Variants in SDCCAG8 observed in about 807,000 individuals in gnomAD.
The protein encoded by SDCCAG8 is SHH signaling and ciliogenesis regulator SDCCAG8.
In SDCCAG8, 74 loss-of-function variants were observed where a neutral mutation model predicts 101.8. That is an observed-to-expected ratio of 0.73 (90% CI 0.60 to 0.88). The LOEUF (loss-of-function observed/expected upper bound fraction) is 0.88, where lower values mean the gene tolerates loss of function less well. Among genes scored for constraint, SDCCAG8 ranks in the 40% least tolerant of loss-of-function variants. The probability of loss-of-function intolerance (pLI) is 0.00; values close to 1 mark genes in which losing one functional copy is unlikely to be tolerated. For synonymous variants in SDCCAG8, 281 were observed against 292.9 expected (o/e 0.96, Z 0.41); for missense variants, 787 against 822.6 (o/e 0.96, Z 0.53).
At chr1:243,301,924 C>G (rs2071550402) in intron 6 of SDCCAG8, among the ~76,000 whole-genome samples, 1 of 152,092 alleles carries the variant, frequency 6.6e-6, no homozygotes, top group African/African-American at 2.4e-5. Context: ...CAAGAGGCAG[C>G]AGACAAGTTC....
At chr1:243,495,318 G>C (rs1445680656) in intron 17 of SDCCAG8, among the ~76,000 whole-genome samples, 1 of 152,220 alleles carries the variant, frequency 6.6e-6, no homozygotes, top group African/African-American at 2.4e-5. Context: ...TGTCTGCAAG[G>C]CGGCCTTCTC....
chr1:243,494,736 T>G (rs1405643254), intron 17 of SDCCAG8, among the ~76,000 whole-genome samples: 4 of 152,234 alleles, frequency 2.6e-5, no homozygotes, highest in Non-Finnish European at 4.4e-5. Flanking sequence ...TCACTCTACT[T>G]ATTGCTTCCT....
At chr1:243,317,511 G>A (rs1335326848) in intron 9 of SDCCAG8, among the ~76,000 whole-genome samples, 1 of 152,070 alleles carries the variant, frequency 6.6e-6, no homozygotes, top group Non-Finnish European at 1.5e-5. Context: ...AGCAGAGATG[G>A]TGTTTCACCA....
intron 1 of SDCCAG8, among the ~76,000 whole-genome samples, chr1:243,259,571 GCACTTTGGGAGGCCGA>G (rs2067034384): frequency 2.0e-5 from 3 of 152,108 alleles, no homozygotes; most frequent in Non-Finnish European, 4.4e-5. Flanking sequence ...TGTAATCCCA[GCACTTTGGGAGGCCGA>G]GGCGGGCAGA....
At chr1:243,350,463 C>T (rs1226290440) in intron 12 of SDCCAG8, among the ~76,000 whole-genome samples, 2 of 152,150 alleles carry the variant, frequency 1.3e-5, no homozygotes, top group Non-Finnish European at 2.9e-5. Context: ...GGCAATCCAC[C>T]TGCCTCGGCC....
At chr1:243,488,309 G>T (rs1019709741) in intron 16 of SDCCAG8, 3 of 152,572 alleles carry the variant, frequency 2.0e-5, no homozygotes, top group Admixed American at 6.5e-5. Flanking sequence ...GTGCCTGCTG[G>T]TGCTTTTGAT....
chr1:243,292,140 A>G lies in SDCCAG8; in HGVS notation c.547-951A>G, dbSNP rs116943462. Among the ~76,000 whole-genome samples the G allele has an allele frequency of 1.7e-4, 26 of 152,320 alleles. No homozygotes were observed. In the East Asian group the frequency reaches 5.0e-3, roughly 29 times the overall value. ...CATGTGGATGCATTCGCCAACCCAG[A>G]AATTCTCTGAACTTCATCATATAGG... On this transcript the variant is annotated intron_variant, in intron 5 of 17. Coordinates refer to ENST00000366541, the MANE Select transcript of SDCCAG8 (RefSeq NM_006642.5).
intron 11 of SDCCAG8, among the ~76,000 whole-genome samples, chr1:243,341,959 A>C (rs540341561): frequency 6.6e-6 from 1 of 152,310 alleles, no homozygotes; most frequent in South Asian, 2.1e-4. Flanking sequence ...GATTTTCCTA[A>C]ATTTTGACAT....
chr1:243,333,470 A>G (rs2074774354), intron 10 of SDCCAG8, among the ~76,000 whole-genome samples: 1 of 152,206 alleles, frequency 6.6e-6, no homozygotes, highest in Non-Finnish European at 1.5e-5. Flanking sequence ...GGTGATTCCA[A>G]TGTGCAGCCA....
At chr1:243,307,243 C>A (rs2072237757) in intron 7 of SDCCAG8, 1 of 279,996 alleles carries the variant, frequency 3.6e-6, no homozygotes, top group Non-Finnish European at 5.4e-6. Flanking sequence ...AAAGTAAAAA[C>A]AAACAAAAAC....
intron 6 of SDCCAG8, among the ~76,000 whole-genome samples, chr1:243,303,828 T>C (rs2071795640): frequency 6.6e-6 from 1 of 152,108 alleles, no homozygotes; most frequent in African/African-American, 2.4e-5. Flanking sequence ...ACCCCAGCAC[T>C]TTGGGAAGCT....
At chr1:243,261,792 T>A (rs976782857) in intron 1 of SDCCAG8, among the ~76,000 whole-genome samples, 1 of 152,202 alleles carries the variant, frequency 6.6e-6, no homozygotes, top group Non-Finnish European at 1.5e-5. Context: ...AGGGGTTTTT[T>A]GCTGATAAAA....
intron 16 of SDCCAG8, among the ~76,000 whole-genome samples, chr1:243,460,820 G>C (rs185675128): frequency 2.6e-5 from 4 of 152,132 alleles, no homozygotes; most frequent in Non-Finnish European, 5.9e-5. Context: ...TGTTCGGCTT[G>C]TTCCCTTTCT....
At chr1:243,494,500 C>T (rs368030970) in intron 17 of SDCCAG8, among the ~76,000 whole-genome samples, 40 of 152,310 alleles carry the variant, frequency 2.6e-4, no homozygotes, top group East Asian at 9.6e-4. Flanking sequence ...ATAAGCATCT[C>T]GCGACCTTCG....
chr1:243,376,882 A>G (rs1215991963), intron 12 of SDCCAG8, among the ~76,000 whole-genome samples: 1 of 152,156 alleles, frequency 6.6e-6, no homozygotes, highest in Non-Finnish European at 1.5e-5. Flanking sequence ...TAAACCATTA[A>G]TGTCACCCTA....
rs575701212 is a variant in SDCCAG8 at position 243,271,491 on chromosome 1, T to G, written c.306+428T>G. On this transcript the variant is annotated intron_variant, in intron 3 of 17. Transcript: ENST00000366541. Reference sequence around the variant, plus strand: ...ACTTAATTATAATTGTAGCCCTACTTTGTAATATTTTTTAAATTTTGAGTG... The same window carrying G: ...ACTTAATTATAATTGTAGCCCTACTGTGTAATATTTTTTAAATTTTGAGTG... Among the ~76,000 whole-genome samples, 22 of 151,930 alleles carry G rather than the reference T, an allele frequency of 1.4e-4. 1 individual carries two copies. The South Asian group carries it at 4.4e-3, about 30-fold the overall frequency.
chr1:243,328,383 A>T (rs2074361421), intron 9 of SDCCAG8, among the ~76,000 whole-genome samples: 1 of 151,986 alleles, frequency 6.6e-6, no homozygotes, highest in South Asian at 2.1e-4. Flanking sequence ...GGTTTAAGCG[A>T]TTCTCCTGCC....
intron 2 of SDCCAG8, 33 bp downstream of exon 2, chr1:243,270,290 T>C: frequency 1.3e-6 from 2 of 1,599,944 alleles, no homozygotes; most frequent in Non-Finnish European, 1.7e-6. Context: ...GTCTGAATGA[T>C]GCATAGTGAA....
At chr1:243,354,281 G>T (rs1285577834) in intron 12 of SDCCAG8, among the ~76,000 whole-genome samples, 1 of 152,186 alleles carries the variant, frequency 6.6e-6, no homozygotes, top group Admixed American at 6.5e-5. Context: ...AACAGAAATT[G>T]CATGGAGCCT....
Sources: allele counts gnomAD v4.1 joint callset (sites outside exome capture counted in the v4.1 genomes callset), GRCh38; gene constraint gnomAD v4.1.1; transcripts MANE v1.5; gene names NCBI Gene and HGNC (gene_info 2026-07-23, HGNC 2026-07-21).